The following MYOM2 variants were observed in gnomAD, a reference collection of about 807,000 sequenced individuals.
MYOM2 encodes the protein myomesin 2.
A neutral mutation model predicts 187.6 loss-of-function variants in MYOM2; 254 were observed. That is an observed-to-expected ratio of 1.35 (90% CI 1.22 to 1.50). The LOEUF (loss-of-function observed/expected upper bound fraction) is 1.50, where lower values mean the gene tolerates loss of function less well. Among genes scored for constraint, MYOM2 ranks in the 40% most tolerant of loss-of-function variants. The probability of loss-of-function intolerance (pLI) is 0.00; values close to 1 mark genes in which losing one functional copy is unlikely to be tolerated. For synonymous variants in MYOM2, 981 were observed against 753.8 expected, an observed-to-expected ratio of 1.30 and a Z score of -4.94; for missense variants, 2,796 against 1,924.0, an observed-to-expected ratio of 1.45 and a Z score of -8.48.
At position 2,120,930 on chromosome 8, in the gene MYOM2, T is replaced by C. The variant is rs567825555; in HGVS notation, c.3454-2322T>C. On this transcript the variant is annotated intron_variant, in intron 28 of 36. Coordinates refer to ENST00000262113, the MANE Select transcript of MYOM2 (RefSeq NM_003970.4). ...AGATTTATTTTTGGTAGTGAATTTC[T>C]TGCACTAGTGTGTTTAAAAGGAAGA... Among the ~76,000 whole-genome samples, 11 of 151,668 alleles carry C rather than the reference T, an allele frequency of 7.3e-5. No homozygotes were observed. The East Asian group carries it at 1.4e-3, about 19-fold the overall frequency.
intron 21 of MYOM2, among the ~76,000 whole-genome samples, chr8:2,106,030 C>G (rs1412062754): frequency 6.6e-6 from 1 of 152,178 alleles, no homozygotes; most frequent in East Asian, 1.9e-4. Flanking sequence ...CTAAAACCAT[C>G]AGATCTCATA....
intron 13 of MYOM2, among the ~76,000 whole-genome samples, chr8:2,080,444 T>C (rs6558597): frequency 0.32 from 49,213 of 151,942 alleles, 8,338 homozygotes; most frequent in African/African-American, 0.42. Context: ...TCAAAACAAA[T>C]GTATGTCCCT....
intron 32 of MYOM2, among the ~76,000 whole-genome samples, 187 bp from the exon 33 acceptor site, chr8:2,140,536 T>G (rs1363747153): frequency 6.6e-6 from 1 of 152,224 alleles, no homozygotes; most frequent in Admixed American, 6.5e-5. Flanking sequence ...ATCATTTAAT[T>G]TTAGAAAGTT....
chr8:2,081,652 A>C (rs943150954), intron 13 of MYOM2: 6 of 156,890 alleles, frequency 3.8e-5, no homozygotes, highest in Non-Finnish European at 8.5e-5. Context: ...TGGGGAAGGG[A>C]AATCATGTAA....
At chr8:2,096,548 T>G (rs1365380675) in intron 18 of MYOM2, 114 bp downstream of exon 18, 5 of 959,296 alleles carry the variant, frequency 5.2e-6, no homozygotes, top group Non-Finnish European at 7.7e-6. Context: ...AAAAATGGAT[T>G]AAAAAATAGC....
intron 18 of MYOM2, chr8:2,097,147 T>G: frequency 7.2e-6 from 7 of 975,010 alleles, no homozygotes; most frequent in Non-Finnish European, 8.5e-6. Context: ...TTGGAGAGTG[T>G]AAGGCCTTAG....
Position 2,078,861 on chromosome 8 carries a change from G to T in MYOM2, c.1390G>T (p.Gly464Cys). 4 of 1,614,026 alleles carry T rather than the reference G, an allele frequency of 2.5e-6. No homozygotes were observed. The highest frequency in any genetic ancestry group is 3.4e-6 in the Non-Finnish European group (4 of 1,179,924). The change falls in exon 12 of 37, where the codon GGC (glycine) becomes TGC (cysteine). Residue 464 changes from glycine to cysteine, a missense_variant. Gly to Cys is a radical substitution (Grantham distance 159, BLOSUM62 -3). Transcript: ENST00000262113. The stretch of plus-strand genomic sequence containing the variant: ...CCGAGTGAGGGCAGTGAACAGTGCG[G>T]GCATCAGCCGACCCTCCAGGGTCTC... ...IFRVRAVNSA[G>C]ISRPSRVSDA...
chr8:2,059,231 A>G lies in MYOM2; in HGVS notation c.639A>G (p.Thr213=). Residue 213 remains threonine (T), a synonymous_variant, in exon 6 of 37, where the codon ACA becomes ACG. Transcript: ENST00000262113. ...TTGAGAGCAACTATGGCGTACACAC[A>G]CTGGAGATCAACAGGTATGGCTGTG... ...YRIESNYGVH[T]LEINRADFDD... 4 of 1,614,100 alleles carry G rather than the reference A, an allele frequency of 2.5e-6. No homozygotes were observed. Among genetic ancestry groups the G allele is most frequent in the Non-Finnish European group, 3.4e-6 (4 of 1,179,980 alleles).
intron 30 of MYOM2, among the ~76,000 whole-genome samples, 174 bp from the exon 31 acceptor site, chr8:2,124,005 G>T (rs1297363305): frequency 1.3e-5 from 2 of 152,104 alleles, no homozygotes; most frequent in Non-Finnish European, 2.9e-5. Flanking sequence ...AAAGTGAATA[G>T]GTTAGAAGGA....
At chr8:2,129,291 A>T in intron 32 of MYOM2, 59 bp downstream of exon 32, 1 of 1,169,108 alleles carries the variant, frequency 8.6e-7, no homozygotes, top group South Asian at 1.3e-5. Flanking sequence ...CAGGGCGCAC[A>T]GCTGGGACCA....
chr8:2,135,224 A>C (rs180936590), intron 32 of MYOM2, among the ~76,000 whole-genome samples: 2 of 152,212 alleles, frequency 1.3e-5, no homozygotes, highest in Admixed American at 1.3e-4. Context: ...ACAAATGTGC[A>C]TACTAGAGTT....
At chr8:2,053,507 A>G (rs1440293) in intron 3 of MYOM2, among the ~76,000 whole-genome samples, 54,977 of 152,074 alleles carry the variant, frequency 0.36, 10,749 homozygotes, top group East Asian at 0.66. Flanking sequence ...TATTGCATAA[A>G]CTTCCTATCG....
intron 23 of MYOM2, among the ~76,000 whole-genome samples, chr8:2,108,532 C>G (rs1796966256): frequency 6.6e-6 from 1 of 152,074 alleles, no homozygotes; most frequent in African/African-American, 2.4e-5. Flanking sequence ...TATACCTACC[C>G]CTGCCCCCAA....
At chr8:2,055,956 C>A (rs1324002065) in intron 3 of MYOM2, among the ~76,000 whole-genome samples, 2 of 152,172 alleles carry the variant, frequency 1.3e-5, no homozygotes, top group Admixed American at 1.3e-4. Flanking sequence ...GGCCACCTTT[C>A]CCTCCACCGC....
In MYOM2 at chr8:2,052,322, A is replaced by C; in HGVS notation, c.263+9A>C. 2 of 1,590,662 alleles carry C rather than the reference A, an allele frequency of 1.3e-6. No individual in the cohort carries two copies. The highest frequency in any genetic ancestry group is 1.7e-6 in the Non-Finnish European group (2 of 1,167,630). On this transcript the variant is annotated intron_variant, in intron 3 of 36. Coordinates refer to ENST00000262113, the MANE Select transcript of MYOM2 (RefSeq NM_003970.4). Reference sequence around the variant, plus strand: ...CAGGAGAACAGAAGCAGGTGAGCACATGGCTTCCCTGACTCCACTTGTGCC... The same window carrying C: ...CAGGAGAACAGAAGCAGGTGAGCACCTGGCTTCCCTGACTCCACTTGTGCC...
chr8:2,144,778 A>C lies in MYOM2; in HGVS notation c.4195A>C (p.Lys1399Gln), dbSNP rs150511184. Residue 1399 changes from lysine to glutamine, a missense_variant, in exon 37 of 37, where the codon AAG becomes CAG. By Grantham distance (53) the Lys-to-Gln change is moderately conservative. Coordinates refer to ENST00000262113, the MANE Select transcript of MYOM2 (RefSeq NM_003970.4). Reference protein sequence around the residue: ...EHFSVKVEQAKYVSMTIKGVT... With the variant: ...EHFSVKVEQAQYVSMTIKGVT... ...CTTCTCGGTGAAGGTGGAGCAGGCC[A>C]AGTACGTCAGCATGACCATCAAAGG... The C allele has an allele frequency of 1.5e-4, 243 of 1,614,204 alleles. 2 individuals are homozygous for C. In the African/African-American group the frequency reaches 2.5e-3, roughly 17 times the overall value.
At chr8:2,062,780 G>T (rs1225978824) in intron 6 of MYOM2, among the ~76,000 whole-genome samples, 1 of 152,134 alleles carries the variant, frequency 6.6e-6, no homozygotes, top group East Asian at 1.9e-4. Context: ...GGGGTAAGTA[G>T]GTTGGTCTGA....
At chr8:2,113,696 T>G (rs1284878512) in intron 25 of MYOM2, among the ~76,000 whole-genome samples, 1 of 152,212 alleles carries the variant, frequency 6.6e-6, no homozygotes, top group Non-Finnish European at 1.5e-5. Flanking sequence ...GTTCCGGTCC[T>G]GACCATGTCC....
chr8:2,113,333 A>G (rs1448747853), intron 25 of MYOM2, among the ~76,000 whole-genome samples: 9 of 152,228 alleles, frequency 5.9e-5, no homozygotes, highest in Admixed American at 5.9e-4. Context: ...GTGGAGTACA[A>G]CACAATCCAC....
Sources: gnomAD v4.1 joint callset for allele counts (sites outside exome capture counted in the v4.1 genomes callset) on GRCh38, gnomAD v4.1.1 for gene constraint, MANE v1.5 for transcripts, NCBI Gene and HGNC (gene_info 2026-07-23, HGNC 2026-07-21) for gene names.